The following DIS3L2 variants were observed in gnomAD, a reference collection of about 807,000 sequenced individuals.
DIS3L2 encodes DIS3-like exonuclease 2.
In DIS3L2, 34 loss-of-function variants were observed where a neutral mutation model predicts 97.5. The ratio of observed to expected loss-of-function variants is 0.35; its 90% confidence interval spans 0.27 to 0.46. The LOEUF is 0.46. Among genes scored for constraint, DIS3L2 ranks in the 20% least tolerant of loss-of-function variants. The pLI is 1.00. For synonymous variants in DIS3L2, 435 were observed against 445.2 expected (o/e 0.98, Z 0.29); for missense variants, 1,038 against 1,146.0 (o/e 0.91, Z 1.36).
chr2:232,134,525 T>C (rs1242805826), intron 7 of DIS3L2, among the ~76,000 whole-genome samples: 2 of 151,916 alleles, frequency 1.3e-5, no homozygotes, highest in Non-Finnish European at 2.9e-5. Context: ...CTTGAGGTGA[T>C]AGAATATGGT....
chr2:232,090,033 G>T (rs935352567), intron 6 of DIS3L2, among the ~76,000 whole-genome samples: 1 of 152,100 alleles, frequency 6.6e-6, no homozygotes, highest in Non-Finnish European at 1.5e-5. Flanking sequence ...GGGCTCAGGC[G>T]ATCTTCCTGC....
rs1692152417 is a variant in DIS3L2, at chr2:232,210,355, C to T, written c.1154C>T (p.Ser385Leu). 6.2e-7 allele frequency: 1 copy of T among 1,613,692 alleles called. No individual in the cohort carries two copies. Among genetic ancestry groups the T allele is most frequent in the Non-Finnish European group, 8.5e-7 (1 of 1,179,644 alleles). ...RKDCIFTIDPSTARDLDDALS... is the reference protein window; with the variant it reads ...RKDCIFTIDPLTARDLDDALS... ...GACTGTATCTTCACCATTGACCCAT[C>T]AACCGCCCGAGACCTCGATGATGCC... Residue 385 changes from serine (S) to leucine (L), a missense_variant, in exon 10 of 21, where the codon TCA becomes TTA. Physicochemically the swap from Ser to Leu is moderately radical, Grantham distance 145 (BLOSUM62 -2). Coordinates refer to ENST00000325385, the MANE Select transcript of DIS3L2 (RefSeq NM_152383.5).
intron 8 of DIS3L2, among the ~76,000 whole-genome samples, chr2:232,161,003 C>T (rs1411057505): frequency 3.9e-5 from 6 of 152,030 alleles, no homozygotes; most frequent in East Asian, 1.9e-4. Flanking sequence ...CCGCAACCTC[C>T]GCCTCCCGGG....
intron 5 of DIS3L2, among the ~76,000 whole-genome samples, chr2:232,059,959 A>G (rs905627624): frequency 6.6e-6 from 1 of 152,144 alleles, no homozygotes; most frequent in Non-Finnish European, 1.5e-5. Context: ...GAGTGCATGT[A>G]TCTTTCTGGT....
rs143813783 is a variant in DIS3L2 at position 232,079,452 on chromosome 2, T to C, written c.367-8035T>C. Among the ~76,000 whole-genome samples, 818 of 151,054 alleles carry C rather than the reference T, an allele frequency of 5.4e-3. 4 individuals are homozygous for C. Among genetic ancestry groups the C allele is most frequent in the African/African-American group, 0.017 (715 of 41,218 alleles). Reference sequence around the variant, plus strand: ...TCTACTAAAAATATAAAAAATTAGCTGGGCGTGGTGGCTGGCGGGCACCTG... The same window carrying C: ...TCTACTAAAAATATAAAAAATTAGCCGGGCGTGGTGGCTGGCGGGCACCTG... On this transcript the variant is annotated intron_variant, in intron 5 of 20. Transcript: ENST00000325385.
chr2:232,327,260 G>A (rs1266643909), intron 14 of DIS3L2, among the ~76,000 whole-genome samples: 1 of 152,214 alleles, frequency 6.6e-6, no homozygotes, highest in Non-Finnish European at 1.5e-5. Context: ...AGTGCTGCCC[G>A]CTATGGGGTC....
chr2:232,299,162 A>G (rs545302796), intron 13 of DIS3L2, among the ~76,000 whole-genome samples: 65 of 152,122 alleles, frequency 4.3e-4, no homozygotes, highest in African/African-American at 1.5e-3. Flanking sequence ...TGTTGATTCG[A>G]CTTCTAAAAT....
chr2:231,981,601 T>C lies in DIS3L2; in HGVS notation c.-94+19836T>C, dbSNP rs1415977557. Among the ~76,000 whole-genome samples the C allele has an allele frequency of 4.3e-5, 3 of 69,180 alleles. No individual in the cohort carries two copies. In the East Asian group the frequency reaches 9.3e-4, roughly 21 times the overall value. The allele number at this position is 69,180 out of a possible 152,430, so 45.4% of individuals were successfully genotyped here. On this transcript the variant is annotated intron_variant, in intron 1 of 20. Transcript: ENST00000325385. ...TAATGTTATACTGTTAAGTATTTTATATATATATATATATATATATATATA... is the reference window on the plus strand; with the variant it reads ...TAATGTTATACTGTTAAGTATTTTACATATATATATATATATATATATATA...
intron 1 of DIS3L2, among the ~76,000 whole-genome samples, chr2:232,012,511 G>T (rs775265954): frequency 1.3e-5 from 2 of 152,160 alleles, no homozygotes; most frequent in Non-Finnish European, 2.9e-5. Context: ...TTTTTGGGTT[G>T]CTGGCAGTTT....
intron 5 of DIS3L2, among the ~76,000 whole-genome samples, chr2:232,077,690 A>G (rs1481362422): frequency 6.6e-6 from 1 of 152,238 alleles, no homozygotes; most frequent in Non-Finnish European, 1.5e-5. Context: ...CAAGGGAGAA[A>G]TAATCCCATT....
exon 14 of DIS3L2, chr2:232,343,911 G>T: frequency 4.3e-6 from 1 of 231,328 alleles, no homozygotes. Flanking sequence ...TAAAATGGAA[G>T]GCCATAGAAG....
intron 5 of DIS3L2, among the ~76,000 whole-genome samples, chr2:232,039,507 G>T (rs1450003221): frequency 6.6e-6 from 1 of 152,136 alleles, no homozygotes; most frequent in African/African-American, 2.4e-5. Flanking sequence ...TCTTTTCGTT[G>T]TAGTAGTAAA....
rs552042326 is a variant in DIS3L2, at chr2:232,333,088, GCCT to G, written c.2011-744_2011-742del. 7.7e-3 allele frequency among the ~76,000 whole-genome samples: 1,162 copies of G among 151,322 alleles called. 25 individuals carry two copies. Among genetic ancestry groups the G allele is most frequent in the African/African-American group, 0.026 (1,079 of 41,204 alleles). ...CCCTGGTCCAACAAAACCGCAGGCG[GCCT>G]CCTCCTCTTCCTCCTCCTCATTGTC... On this transcript the variant is annotated intron_variant, in intron 16 of 20. Coordinates refer to ENST00000325385, the MANE Select transcript of DIS3L2 (RefSeq NM_152383.5).
intron 9 of DIS3L2, among the ~76,000 whole-genome samples, chr2:232,166,618 A>C (rs1359687775): frequency 3.3e-5 from 5 of 152,048 alleles, no homozygotes; most frequent in Admixed American, 2.0e-4. Flanking sequence ...TAGGAGGCTG[A>C]GGCAGGAGAA....
chr2:232,081,456 T>C (rs765214979), intron 5 of DIS3L2, among the ~76,000 whole-genome samples: 1 of 151,418 alleles, frequency 6.6e-6, no homozygotes, highest in Admixed American at 6.6e-5. Context: ...CATTATTCAG[T>C]AGGGATGGCA....
intron 11 of DIS3L2, among the ~76,000 whole-genome samples, chr2:232,247,647 G>GGC (rs1559173677): frequency 2.6e-5 from 2 of 77,628 alleles, no homozygotes; most frequent in Non-Finnish European, 2.6e-5. Context: ...GGGGGGGAGG[G>GGC]TGCCAATTCA....
intron 14 of DIS3L2, 28 bp from the exon 15 acceptor site, chr2:232,329,785 T>TGCCCGGGGGGGGGGG: frequency 1.0e-5 from 10 of 967,138 alleles, no homozygotes; most frequent in Non-Finnish European, 1.5e-5. Flanking sequence ...ACCCCAGCGG[T>TGCCCGGGGGGGGGGG]CCCTCCCATC....
At position 232,268,798 on chromosome 2, in the gene DIS3L2, C is replaced by T. The variant is rs1693911934; in HGVS notation, c.1659+5358C>T. On this transcript the variant is annotated intron_variant, in intron 13 of 20. Coordinates refer to ENST00000325385, the MANE Select transcript of DIS3L2 (RefSeq NM_152383.5). This position sits in a 1 kb window ranked among gnomAD's most constrained non-coding sequence, Gnocchi z 4.1. ...GCCCTGCTATCCAGTGAGCTTTTAG[C>T]AGCTCATCATCACTTCACAGGGAAG... Among the ~76,000 whole-genome samples, 1 of 152,204 alleles carries T rather than the reference C, an allele frequency of 6.6e-6. No individual in the cohort carries two copies. Among genetic ancestry groups the T allele is most frequent in the Admixed American group, 6.5e-5 (1 of 15,286 alleles).
intron 15 of DIS3L2, among the ~76,000 whole-genome samples, chr2:232,330,330 G>A (rs1695698760): frequency 6.6e-6 from 1 of 152,220 alleles, no homozygotes; most frequent in Non-Finnish European, 1.5e-5. Context: ...GAATGTTCCT[G>A]GTGGGTACTT....
Sources: allele counts gnomAD v4.1 joint callset (sites outside exome capture counted in the v4.1 genomes callset), GRCh38; gene constraint gnomAD v4.1.1; non-coding constraint Gnocchi (gnomAD v3.1); transcripts MANE v1.5; gene names NCBI Gene and HGNC (gene_info 2026-07-23, HGNC 2026-07-21).